The following DCLK1 variants were observed in gnomAD, a reference collection of about 807,000 sequenced individuals.
DCLK1 encodes doublecortin like kinase 1, also known as serine/threonine-protein kinase DCLK1.
DCLK1 carries 16 observed loss-of-function variants against 86.2 expected under a neutral mutation model. That is an observed-to-expected ratio of 0.19 (90% confidence interval 0.13 to 0.28). The LOEUF (loss-of-function observed/expected upper bound fraction) is 0.28, where lower values mean the gene tolerates loss of function less well. DCLK1 is among the 10% of genes least tolerant of loss of function. The pLI is 1.00. For missense variants in DCLK1, 590 were observed against 940.2 expected (o/e 0.63, Z 4.87); for synonymous variants, 369 against 370.5 (o/e 1.00, Z 0.05).
At chr13:35,977,134 T>C (rs577376277) in intron 3 of DCLK1, among the ~76,000 whole-genome samples, 1 of 152,226 alleles carries the variant, frequency 6.6e-6, no homozygotes, top group Non-Finnish European at 1.5e-5. Flanking sequence ...TGTGTATATA[T>C]ATACAGAGAG....
rs925291863 is a variant in DCLK1 at position 35,805,687 on chromosome 13, C to A, written c.1944+12G>T. On this transcript the variant is annotated intron_variant, in intron 15 of 16. Transcript: ENST00000360631. ...TTAGGAGAGAACAAAGGAAATGGTG[C>A]GAGTCACTTACATTAACCCAGGGAT... is the stretch of plus-strand genomic sequence containing the variant. The A allele has an allele frequency of 1.2e-6, 2 of 1,610,004 alleles. No homozygotes were observed. Among genetic ancestry groups the A allele is most frequent in the Admixed American group, 3.4e-5 (2 of 59,248 alleles).
intron 4 of DCLK1, among the ~76,000 whole-genome samples, chr13:35,907,648 C>G (rs1356447049): frequency 6.6e-6 from 1 of 151,994 alleles, no homozygotes; most frequent in Non-Finnish European, 1.5e-5. Context: ...CAGGATAGGA[C>G]AGCCTGCAGA....
At position 36,126,053 on chromosome 13, in the gene DCLK1, C is replaced by T; in HGVS notation, c.85G>A (p.Gly29Ser). The change falls in exon 2 of 17, where the codon GGC (glycine) becomes AGC (serine). Residue 29 changes from glycine (G) to serine (S), a missense_variant. Gly to Ser is a moderately conservative substitution (Grantham distance 56, BLOSUM62 0). This residue lies in a region of DCLK1 where 50 missense variants were observed against 47.8 expected (regional missense o/e 1.05). Coordinates refer to ENST00000360631, the MANE Select transcript of DCLK1 (RefSeq NM_001330071.2). ...QRYSRGSRVN[G>S]LPSPTHSAHC... is the part of the protein sequence containing the mutation. ...GCGCTGTGCGTCGGGCTCGGCAGGC[C>T]GTTCACCCGCGACCCTCGGCTGTAT... is the stretch of plus-strand genomic sequence containing the variant. 1 of 1,613,266 alleles carries T rather than the reference C, an allele frequency of 6.2e-7. No homozygotes were observed. The highest frequency in any genetic ancestry group is 8.5e-7 in the Non-Finnish European group (1 of 1,179,986).
chr13:36,006,595 G>C (rs553227438), intron 3 of DCLK1, among the ~76,000 whole-genome samples: 47 of 152,334 alleles, frequency 3.1e-4, no homozygotes, highest in African/African-American at 1.1e-3. Context: ...TCCCAGGAGA[G>C]GGGAAAGGAG....
chr13:35,805,619 G>A (rs1254361618), intron 15 of DCLK1, 80 bp downstream of exon 15: 8 of 1,383,410 alleles, frequency 5.8e-6, no homozygotes, highest in Non-Finnish European at 8.1e-6. Context: ...TCAAAAGGAG[G>A]CAATAACATT....
At chr13:36,032,474 G>C (rs1303876661) in intron 3 of DCLK1, among the ~76,000 whole-genome samples, 5 of 152,130 alleles carry the variant, frequency 3.3e-5, no homozygotes, top group African/African-American at 1.2e-4. Flanking sequence ...AGTAGCTATT[G>C]CTTTTGTAAT....
chr13:35,976,951 T>C (rs1484905178), intron 3 of DCLK1, among the ~76,000 whole-genome samples: 1 of 152,112 alleles, frequency 6.6e-6, no homozygotes, highest in East Asian at 1.9e-4. Context: ...CCTCAAAGAA[T>C]TAACAAAGCC....
chr13:35,884,857 T>C (rs1187654060), intron 4 of DCLK1, among the ~76,000 whole-genome samples: 4 of 152,178 alleles, frequency 2.6e-5, no homozygotes, highest in Non-Finnish European at 4.4e-5. Flanking sequence ...TGGATGATGA[T>C]TCGTCATAGT....
At chr13:35,983,433 C>T (rs1431072307) in intron 3 of DCLK1, among the ~76,000 whole-genome samples, 2 of 152,158 alleles carry the variant, frequency 1.3e-5, no homozygotes, top group Admixed American at 1.3e-4. Flanking sequence ...TCACCATGTC[C>T]TGGTCCTTCC....
intron 4 of DCLK1, among the ~76,000 whole-genome samples, chr13:35,902,453 GCT>G (rs761306275): frequency 6.6e-6 from 1 of 152,152 alleles, no homozygotes; most frequent in Non-Finnish European, 1.5e-5. Context: ...AGGATAGCAT[GCT>G]CTCTCTCCAA....
chr13:36,076,579 A>G (rs544260938), intron 3 of DCLK1, among the ~76,000 whole-genome samples: 9 of 152,208 alleles, frequency 5.9e-5, no homozygotes, highest in Non-Finnish European at 1.2e-4. Flanking sequence ...GAACTTTTCA[A>G]AACTTGTTTT....
At chr13:35,824,067 G>A (rs1381495593) in intron 10 of DCLK1, among the ~76,000 whole-genome samples, 2 of 152,294 alleles carry the variant, frequency 1.3e-5, no homozygotes, top group African/African-American at 4.8e-5. Context: ...CAGTCACCGT[G>A]GTCTATGTGA....
At chr13:36,057,114 T>C (rs952874045) in intron 3 of DCLK1, among the ~76,000 whole-genome samples, 15 of 152,050 alleles carry the variant, frequency 9.9e-5, no homozygotes, top group African/African-American at 3.4e-4. Context: ...AATTTTATTA[T>C]AGTGTAAAAG....
intron 6 of DCLK1, among the ~76,000 whole-genome samples, chr13:35,851,351 G>A (rs1015917876): frequency 6.6e-6 from 1 of 151,904 alleles, no homozygotes; most frequent in Non-Finnish European, 1.5e-5. Context: ...TTCTCCAACC[G>A]ACCACTCACT....
At chr13:35,866,951 TG>T (rs1239457039) in intron 5 of DCLK1, among the ~76,000 whole-genome samples, 2 of 152,172 alleles carry the variant, frequency 1.3e-5, no homozygotes, top group Non-Finnish European at 2.9e-5. Flanking sequence ...GGAGGGGCCC[TG>T]AGAGAGGGGT....
At chr13:36,007,514 G>A (rs1881032423) in intron 3 of DCLK1, among the ~76,000 whole-genome samples, 1 of 152,206 alleles carries the variant, frequency 6.6e-6, no homozygotes, top group Non-Finnish European at 1.5e-5. Context: ...GTTGTGAGTA[G>A]AGATGAATAT....
intron 3 of DCLK1, among the ~76,000 whole-genome samples, chr13:36,061,392 T>G (rs538392291): frequency 6.6e-6 from 1 of 152,302 alleles, no homozygotes; most frequent in South Asian, 2.1e-4. Flanking sequence ...TTACTCCCTT[T>G]TCTAAAATTA....
chr13:35,995,009 T>C (rs1431213037), intron 3 of DCLK1, among the ~76,000 whole-genome samples: 1 of 152,234 alleles, frequency 6.6e-6, no homozygotes, highest in Non-Finnish European at 1.5e-5. Flanking sequence ...AAAATGCAGA[T>C]ATGACACAAA....
intron 3 of DCLK1, among the ~76,000 whole-genome samples, chr13:35,981,831 G>A (rs993038786): frequency 2.0e-5 from 3 of 152,128 alleles, no homozygotes; most frequent in African/African-American, 7.2e-5. Context: ...CTAGATCAAG[G>A]TAATTCCATT....
Sources: allele counts gnomAD v4.1 joint callset (sites outside exome capture counted in the v4.1 genomes callset), GRCh38; gene constraint gnomAD v4.1.1; regional missense constraint gnomAD v4.1.1; transcripts MANE v1.5; gene names NCBI Gene and HGNC (gene_info 2026-07-23, HGNC 2026-07-21).